Variants in DHX37 observed in about 807,000 individuals in gnomAD.
DHX37 encodes the protein DEAH-box helicase 37.
DHX37 carries 52 observed loss-of-function variants against 134.3 expected under a neutral mutation model. The observed-to-expected ratio is 0.39, with a 90% CI of 0.31 to 0.49. The LOEUF is 0.49. Among genes scored for constraint, DHX37 ranks in the 20% least tolerant of loss-of-function variants. The pLI is 0.93. For missense variants in DHX37, 1,344 were observed against 1,580.8 expected (o/e 0.85, Z 2.54); for synonymous variants, 634 against 670.7 (o/e 0.95, Z 0.85).
chr12:124,984,066 G>A lies in DHX37; in HGVS notation c.277-1443C>T, dbSNP rs371754445. Among the ~76,000 whole-genome samples the A allele has an allele frequency of 2.4e-4, 36 of 152,264 alleles. 2 individuals are homozygous for A. Among genetic ancestry groups the A allele is most frequent in the African/African-American group, 8.4e-4 (35 of 41,530 alleles). On this transcript the variant is annotated intron_variant, in intron 2 of 26. Transcript: ENST00000308736. ...TTAACAGCATCCCATGGCTCCACCCGCCAGATGCCAGCAGCACTCCCAAGT... is the reference window on the plus strand; with the variant it reads ...TTAACAGCATCCCATGGCTCCACCCACCAGATGCCAGCAGCACTCCCAAGT...
chr12:124,966,264 C>T (rs913629585), intron 12 of DHX37, among the ~76,000 whole-genome samples: 3 of 152,156 alleles, frequency 2.0e-5, no homozygotes, highest in Non-Finnish European at 2.9e-5. Context: ...GACAGGGTTT[C>T]GCCATGTTGG....
intron 1 of DHX37, among the ~76,000 whole-genome samples, chr12:124,986,858 G>C (rs1323183305): frequency 6.6e-6 from 1 of 151,808 alleles, no homozygotes; most frequent in East Asian, 2.0e-4. Flanking sequence ...CAATTCTCCC[G>C]CCTCAGCCTC....
intron 15 of DHX37, 29 bp from the exon 16 acceptor site, chr12:124,960,452 C>A: frequency 6.2e-7 from 1 of 1,601,070 alleles, no homozygotes; most frequent in Non-Finnish European, 8.6e-7. Flanking sequence ...GGACAACAAA[C>A]ACAAAACTCA....
chr12:124,967,060 C>G (rs1436332256), intron 11 of DHX37, 63 bp downstream of exon 11: 14 of 1,586,838 alleles, frequency 8.8e-6, no homozygotes, highest in Non-Finnish European at 1.2e-5. Flanking sequence ...GCACCCCAGC[C>G]AGGGAGCGCG....
At chr12:124,969,727 G>C (rs1954476071) in intron 8 of DHX37, among the ~76,000 whole-genome samples, 1 of 152,048 alleles carries the variant, frequency 6.6e-6, no homozygotes, top group South Asian at 2.1e-4. Flanking sequence ...TGACACTGCT[G>C]GTGCGGAAGT....
chr12:124,975,577 C>G, intron 5 of DHX37, 66 bp from the exon 6 acceptor site: 5 of 1,537,632 alleles, frequency 3.3e-6, no homozygotes, highest in Non-Finnish European at 4.4e-6. Flanking sequence ...AAGCCTCATG[C>G]AGTTCCACAG....
In DHX37 at chr12:124,964,554, T is replaced by C. The variant is rs1242605771; in HGVS notation, c.1885A>G (p.Ile629Val). The change falls in exon 15 of 27, where the codon ATC becomes GTC. Residue 629 changes from isoleucine (I) to valine (V), a missense_variant. Coordinates refer to ENST00000308736, the MANE Select transcript of DHX37 (RefSeq NM_032656.4). ...ATNVAETSLT[I>V]PGIKYVVDCG... ...TCCACCACGTACTTGATGCCAGGGA[T>C]GGTAAGCGACGTCTCGGCCACATTG... is the stretch of plus-strand genomic sequence containing the variant. The C allele has an allele frequency of 6.2e-7, 1 of 1,613,530 alleles. No individual in the cohort carries two copies. Among genetic ancestry groups the C allele is most frequent in the Non-Finnish European group, 8.5e-7 (1 of 1,179,436 alleles).
chr12:124,968,196 G>A (rs895488621), intron 10 of DHX37, among the ~76,000 whole-genome samples: 1 of 152,150 alleles, frequency 6.6e-6, no homozygotes, highest in African/African-American at 2.4e-5. Flanking sequence ...AGGCAGAACT[G>A]TGAAGGGTAT....
intron 2 of DHX37, among the ~76,000 whole-genome samples, chr12:124,985,507 C>T (rs991165276): frequency 2.0e-5 from 3 of 149,392 alleles, no homozygotes; most frequent in Non-Finnish European, 4.4e-5. Context: ...GAGGCCGAGG[C>T]GGGCGGATCA....
chr12:124,950,244 C>G lies in DHX37; in HGVS notation c.3122-1G>C. The G allele has an allele frequency of 6.2e-7, 1 of 1,613,508 alleles. No homozygotes were observed. Among genetic ancestry groups the G allele is most frequent in the Non-Finnish European group, 8.5e-7 (1 of 1,179,988 alleles). On this transcript the variant is annotated splice_acceptor_variant, in intron 23 of 26. Coordinates refer to ENST00000308736, the MANE Select transcript of DHX37 (RefSeq NM_032656.4). LOFTEE classifies it high-confidence loss of function. ...GCGGGGAGCGGCCAGCCCACGCGATCTAGAAGGTGGGAGCCAGTGAGACAG... is the reference window on the plus strand; with the variant it reads ...GCGGGGAGCGGCCAGCCCACGCGATGTAGAAGGTGGGAGCCAGTGAGACAG...
Position 124,971,764 on chromosome 12 carries a change from C to T in DHX37, c.1078-349G>A, listed in dbSNP as rs577673081. ...GGGAGATTGGCCCTGCCCAAGGGGA[C>T]GTCACAGCCAGCACGGAGCACAGCT... On this transcript the variant is annotated intron_variant, in intron 7 of 26. Transcript: ENST00000308736. 1.9e-3 allele frequency among the ~76,000 whole-genome samples: 282 copies of T among 152,302 alleles called. 2 individuals carry two copies. The highest frequency in any genetic ancestry group is 6.3e-3 in the African/African-American group (262 of 41,568).
chr12:124,950,124 G>A (rs1426280606), intron 24 of DHX37, 25 bp downstream of exon 24: 1 of 1,613,758 alleles, frequency 6.2e-7, no homozygotes, highest in Admixed American at 1.7e-5. Flanking sequence ...CCGAGATGAG[G>A]GTCTGGAGCC....
At chr12:124,966,987 G>T in intron 11 of DHX37, 109 bp from the exon 12 acceptor site, 1 of 1,525,554 alleles carries the variant, frequency 6.6e-7, no homozygotes, top group Non-Finnish European at 9.1e-7. Context: ...CATTTATTCG[G>T]GGGTGAGGTG....
chr12:124,980,305 T>C lies in DHX37; in HGVS notation c.738+185A>G, dbSNP rs1954730987. 6.6e-6 allele frequency among the ~76,000 whole-genome samples: 1 copy of C among 152,212 alleles called. No individual in the cohort carries two copies. Among genetic ancestry groups the C allele is most frequent in the African/African-American group, 2.4e-5 (1 of 41,460 alleles). On this transcript the variant is annotated intron_variant, in intron 4 of 26. Coordinates refer to ENST00000308736, the MANE Select transcript of DHX37 (RefSeq NM_032656.4). This position sits in a 1 kb window ranked among gnomAD's most constrained non-coding sequence, Gnocchi z 5.3. Reference sequence around the variant, plus strand: ...GTGCCGCCAGACACCCGCCCTGCACTGTGATCCTCCTCGCGCACCAATCCC... The same window carrying C: ...GTGCCGCCAGACACCCGCCCTGCACCGTGATCCTCCTCGCGCACCAATCCC...
intron 3 of DHX37, among the ~76,000 whole-genome samples, 183 bp downstream of exon 3, chr12:124,982,328 T>A (rs1222201053): frequency 6.6e-6 from 1 of 152,084 alleles, no homozygotes; most frequent in Non-Finnish European, 1.5e-5. Context: ...CGCAGAAGGT[T>A]CAGCAGCATC....
chr12:124,973,940 G>A (rs1954575560), intron 6 of DHX37, among the ~76,000 whole-genome samples: 1 of 127,714 alleles, frequency 7.8e-6, no homozygotes. Flanking sequence ...GCCGTGCCCA[G>A]TCCCCAAATT....
intron 8 of DHX37, 56 bp from the exon 9 acceptor site, chr12:124,969,024 C>T (rs1188664167): frequency 4.5e-6 from 7 of 1,557,406 alleles, no homozygotes; most frequent in Non-Finnish European, 6.1e-6. Context: ...GGGTCTGAAG[C>T]CTGGGAAATC....
chr12:124,986,441 G>A (rs1230665217), intron 1 of DHX37, among the ~76,000 whole-genome samples, 176 bp from the exon 2 acceptor site: 1 of 151,906 alleles, frequency 6.6e-6, no homozygotes, highest in Non-Finnish European at 1.5e-5. Flanking sequence ...CTTGGCGCAG[G>A]GGCTCATGCC....
rs776689145 is a variant in DHX37 at position 124,960,393 on chromosome 12, G to A, written c.2076C>T (p.Phe692=). 3.0e-5 allele frequency: 48 copies of A among 1,613,984 alleles called. No homozygotes were observed. The highest frequency in any genetic ancestry group is 1.1e-4 in the South Asian group (10 of 91,088). ...TGATTTCTGGAGGAGGAAACTGCTC[G>A]AAGTCACCAAAAACCGCAGATGAAT... is the stretch of plus-strand genomic sequence containing the variant. The part of the protein sequence containing the change: ...RLYSSAVFGD[F]EQFPPPEITR... Residue 692 remains phenylalanine, a synonymous_variant, in exon 16 of 27, where the codon TTC becomes TTT. Transcript: ENST00000308736.
Sources: allele counts gnomAD v4.1 joint callset (sites outside exome capture counted in the v4.1 genomes callset), GRCh38; gene constraint gnomAD v4.1.1; non-coding constraint Gnocchi (gnomAD v3.1); transcripts MANE v1.5; gene names NCBI Gene and HGNC (gene_info 2026-07-23, HGNC 2026-07-21).